The following DNAJC10 variants were observed in gnomAD, a reference collection of about 807,000 sequenced individuals.
DNAJC10 encodes the protein DnaJ heat shock protein family (Hsp40) member C10.
Under a neutral mutation model 115.0 loss-of-function variants are expected in DNAJC10, and 101 were observed. The ratio of observed to expected loss-of-function variants is 0.88; its 90% CI spans 0.75 to 1.04. DNAJC10 has a LOEUF of 1.04. DNAJC10 is among the 50% of genes least tolerant of loss of function. DNAJC10 has a pLI of 0.00. For missense variants in DNAJC10, 981 were observed against 928.8 expected (o/e 1.06, Z -0.73); for synonymous variants, 307 against 301.5 (o/e 1.02, Z -0.19).
Position 182,755,000 on chromosome 2 carries a change from C to A in DNAJC10, c.1552-3C>A. On this transcript the variant is annotated splice_region_variant and splice_polypyrimidine_tract_variant and intron_variant, in intron 16 of 23. Coordinates refer to ENST00000264065, the MANE Select transcript of DNAJC10 (RefSeq NM_018981.4). ...CTTTAATTCATATTCTCCTTCCTAT[C>A]AGTATAACATTCAGGCTTATCCAAC... is the stretch of plus-strand genomic sequence containing the variant. The A allele has an allele frequency of 6.4e-7, 1 of 1,554,332 alleles. No homozygotes were observed. Among genetic ancestry groups the A allele is most frequent in the Non-Finnish European group, 8.9e-7 (1 of 1,127,212 alleles).
chr2:182,762,637 G>A (rs1694313695), intron 21 of DNAJC10, 45 bp from the exon 22 acceptor site: 1 of 1,602,828 alleles, frequency 6.2e-7, no homozygotes, highest in African/African-American at 1.3e-5. Context: ...TGCCAAAATA[G>A]TTTATGCCAA....
At position 182,788,684 on chromosome 2, in the gene DNAJC10, TCC is replaced by T. The variant is rs1317377584; in HGVS notation, c.*11554_*11555del. ...CAGAGAACAAAAGGAAGTGAGCTTATCCCACAGCACAAGTAACGTCTATTTAT... is the reference window on the plus strand; with the variant it reads ...CAGAGAACAAAAGGAAGTGAGCTTATCACAGCACAAGTAACGTCTATTTAT... On this transcript the variant is annotated 3_prime_UTR_variant, in exon 24 of 24. Transcript: ENST00000264065. 8.1e-5 allele frequency: 31 copies of T among 381,346 alleles called. No homozygotes were observed. The highest frequency in any genetic ancestry group is 1.5e-4 in the Non-Finnish European group (30 of 195,386). 23.6% of individuals were successfully genotyped at this position (381,346 alleles called of 1,614,324 possible). A position where few individuals can be genotyped will look rare whatever the true frequency, so the allele number is the denominator to read the frequency against.
Position 182,718,013 on chromosome 2 carries a change from T to G in DNAJC10, c.-74T>G, listed in dbSNP as rs1345435782. 1 of 1,126,070 alleles carries G rather than the reference T, an allele frequency of 8.9e-7. No homozygotes were observed. The highest frequency in any genetic ancestry group is 1.3e-6 in the Non-Finnish European group (1 of 792,632). 69.8% of individuals were successfully genotyped at this position (1,126,070 alleles called of 1,614,324 possible). ...GTAATGTAGACAGAAGTTCTCAAAT[T>G]TGCATATTACATCAACTGGAACCAG... On this transcript the variant is annotated 5_prime_UTR_variant, in exon 3 of 24. In the 5' UTR this introduces an upstream ATG that the reference lacks. Transcript: ENST00000264065.
Position 182,759,165 on chromosome 2 carries a change from T to TA in DNAJC10, c.2004dup (p.Pro669ThrfsTer14). 6.4e-7 allele frequency: 1 copy of TA among 1,573,942 alleles called. No homozygotes were observed. Among genetic ancestry groups the TA allele is most frequent in the Non-Finnish European group, 8.6e-7 (1 of 1,166,508 alleles). On this transcript the variant is annotated frameshift_variant, in exon 21 of 24. Transcript: ENST00000264065. LOFTEE classifies it high-confidence loss of function. ...ATTTTGATCATTTGCCACAGATTTT[T>TA]ACCTCAAGTATCCACAGATCTAACA...
chr2:182,769,105 T>C (rs975428381), intron 22 of DNAJC10, among the ~76,000 whole-genome samples: 2 of 152,186 alleles, frequency 1.3e-5, no homozygotes, highest in African/African-American at 2.4e-5. Context: ...GATAGTTTGC[T>C]GAGAATGATG....
At chr2:182,762,602 G>A in intron 21 of DNAJC10, 80 bp from the exon 22 acceptor site, 2 of 1,408,100 alleles carry the variant, frequency 1.4e-6, no homozygotes, top group Non-Finnish European at 9.8e-7. Flanking sequence ...GATTCAAAAT[G>A]TTTTATATCC....
chr2:182,740,146 T>G (rs1693694932), intron 11 of DNAJC10, 153 bp from the exon 12 acceptor site: 2 of 1,167,102 alleles, frequency 1.7e-6, no homozygotes. Flanking sequence ...AATACACTTT[T>G]TTTGAAAAAA....
rs183435579 is a variant in DNAJC10, at chr2:182,722,911, G to C, written c.418+836G>C. Among the ~76,000 whole-genome samples the C allele has an allele frequency of 2.1e-3, 317 of 151,704 alleles. 1 individual carries two copies. Among genetic ancestry groups the C allele is most frequent in the Non-Finnish European group, 4.1e-3 (279 of 67,896 alleles). ...GCCATGATGGCACCACAAAAAAAAAGAAAACTAAAATAGCGTACCAGTCGC... is the reference window on the plus strand; with the variant it reads ...GCCATGATGGCACCACAAAAAAAAACAAAACTAAAATAGCGTACCAGTCGC... On this transcript the variant is annotated intron_variant, in intron 5 of 23. Transcript: ENST00000264065.
chr2:182,781,957 TC>T lies in DNAJC10; in HGVS notation c.*4828del, dbSNP rs1406561385. The T allele has an allele frequency of 6.6e-6, 1 of 152,210 alleles. No homozygotes were observed. The highest frequency in any genetic ancestry group is 1.5e-5 in the Non-Finnish European group (1 of 68,038). 9.4% of individuals were successfully genotyped at this position (152,210 alleles called of 1,614,324 possible). On this transcript the variant is annotated 3_prime_UTR_variant, in exon 24 of 24. Transcript: ENST00000264065. Reference sequence around the variant, plus strand: ...GCCATGCAGAAGCTCTTTAATTAGATCCCATTTATCTGTTTTGGCTTTTATT... The same window carrying T: ...GCCATGCAGAAGCTCTTTAATTAGATCCATTTATCTGTTTTGGCTTTTATT...
rs1693731302 is a variant in DNAJC10, at chr2:182,741,314, G to A, written c.1149G>A (p.Glu383=). The A allele has an allele frequency of 1.2e-6, 2 of 1,600,634 alleles. No individual in the cohort carries two copies. The highest frequency in any genetic ancestry group is 3.5e-5 in the Admixed American group (2 of 57,850). Residue 383 remains glutamate (E), a synonymous_variant, in exon 13 of 24, where the codon GAG becomes GAA. Coordinates refer to ENST00000264065, the MANE Select transcript of DNAJC10 (RefSeq NM_018981.4). ...FGKNENSNDP[E]LKKLKTLLKN... ...AAAATGAAAATTCAAATGATCCTGA[G>A]CTGAAAAAACTAAAAACTCTACTTA...
At position 182,777,125 on chromosome 2, in the gene DNAJC10, A is replaced by T. The variant is rs1357673088; in HGVS notation, c.2375A>T (p.Glu792Val). Residue 792 changes from glutamate to valine, a missense_variant, in exon 24 of 24, where the codon GAA becomes GTA. By Grantham distance (121) the Glu-to-Val change is moderately radical (BLOSUM62 -2). Transcript: ENST00000264065. ...LRNQGKRNKD[E>V]L is the part of the protein sequence containing the mutation. The stretch of plus-strand genomic sequence containing the variant: ...GCCTTTACATTATTATTATAGGATG[A>T]ACTTTGATAATGTTGAAGATGAAGA... 1 of 1,411,752 alleles carries T rather than the reference A, an allele frequency of 7.1e-7. No individual in the cohort carries two copies. The highest frequency in any genetic ancestry group is 9.5e-7 in the Non-Finnish European group (1 of 1,048,400). 87.5% of individuals were successfully genotyped at this position (1,411,752 alleles called of 1,614,324 possible). A position where few individuals can be genotyped will look rare whatever the true frequency, so the allele number is the denominator to read the frequency against.
chr2:182,743,622 G>A lies in DNAJC10; in HGVS notation c.1216G>A (p.Ala406Thr). The A allele has an allele frequency of 6.2e-7, 1 of 1,613,330 alleles. No individual in the cohort carries two copies. The highest frequency in any genetic ancestry group is 2.2e-5 in the East Asian group (1 of 44,806). The change falls in exon 14 of 24, where the codon GCA (alanine) becomes ACA (threonine). Residue 406 changes from alanine (A) to threonine (T), a missense_variant. By Grantham distance (58) the Ala-to-Thr change is moderately conservative (BLOSUM62 0). Transcript: ENST00000264065. ...IQVGRFDCSS[A>T]PDICSNLYVF... ...GGTTGGCAGGTTTGACTGTTCCTCT[G>A]CACCAGACATCTGTAGTAATCTGTA... is the stretch of plus-strand genomic sequence containing the variant.
chr2:182,728,745 A>G, intron 6 of DNAJC10, 87 bp downstream of exon 6: 2 of 1,482,916 alleles, frequency 1.3e-6, no homozygotes, highest in Non-Finnish European at 1.9e-6. Context: ...TATGAATAGT[A>G]ATCAAAAATA....
chr2:182,751,834 G>C, intron 15 of DNAJC10, 49 bp downstream of exon 15: 3 of 1,583,814 alleles, frequency 1.9e-6, no homozygotes, highest in Non-Finnish European at 2.6e-6. Flanking sequence ...ATCTTCTCCT[G>C]TTATGGCAAA....
intron 21 of DNAJC10, among the ~76,000 whole-genome samples, chr2:182,759,726 C>G (rs1292762233): frequency 6.6e-6 from 1 of 152,098 alleles, no homozygotes; most frequent in East Asian, 1.9e-4. Context: ...CTTGTCTAGA[C>G]TTAACCATAT....
intron 10 of DNAJC10, among the ~76,000 whole-genome samples, chr2:182,733,782 C>CAGATAGATAGAT (rs61416628): frequency 0.02 from 2,893 of 142,516 alleles, 30 homozygotes; most frequent in East Asian, 0.029. Flanking sequence ...CAATCTCTCT[C>CAGATAGATAGAT]AGATAGATAG....
intron 11 of DNAJC10, among the ~76,000 whole-genome samples, chr2:182,737,477 C>G (rs768864267): frequency 4.6e-5 from 7 of 152,148 alleles, no homozygotes; most frequent in Non-Finnish European, 1.0e-4. Flanking sequence ...AATACCCATC[C>G]AGATCTCTAC....
intron 14 of DNAJC10, among the ~76,000 whole-genome samples, chr2:182,748,814 C>T (rs958636331): frequency 4.6e-5 from 7 of 152,138 alleles, no homozygotes; most frequent in South Asian, 2.1e-4. Flanking sequence ...TTTCCCTCTA[C>T]GCACTGCTTT....
chr2:182,738,105 C>G (rs1414859696), intron 11 of DNAJC10, among the ~76,000 whole-genome samples: 2 of 151,642 alleles, frequency 1.3e-5, no homozygotes, highest in Non-Finnish European at 2.9e-5. Context: ...ATTAATGATC[C>G]CTGGATGGTA....
Sources: gnomAD v4.1 joint callset for allele counts (sites outside exome capture counted in the v4.1 genomes callset) on GRCh38, gnomAD v4.1.1 for gene constraint, MANE v1.5 for transcripts, NCBI Gene and HGNC (gene_info 2026-07-23, HGNC 2026-07-21) for gene names.